NHSL2: variants seen among roughly 807,000 people sequenced by gnomAD.
NHSL2 encodes the protein NHS like 2, also known as NHS-like protein 2.
NHSL2 carries 27 observed loss-of-function variants against 53.4 expected under a neutral mutation model. The observed-to-expected ratio is 0.51, with a 90% confidence interval of 0.37 to 0.70. NHSL2 has a LOEUF of 0.70. Among genes scored for constraint, NHSL2 ranks in the 30% least tolerant of loss-of-function variants. NHSL2 has a pLI of 0.00. For missense variants in NHSL2, 892 were observed against 980.1 expected (o/e 0.91, Z 1.20); for synonymous variants, 408 against 404.1 (o/e 1.01, Z -0.12).
Position 72,150,454 on chromosome X carries a change from A to G in NHSL2, c.*6880A>G, listed in dbSNP as rs1253007205. The G allele has an allele frequency of 8.9e-6, 1 of 112,155 alleles. No homozygotes were observed. The highest frequency in any genetic ancestry group is 2.8e-4 in the East Asian group (1 of 3,582). 9.2% of individuals were successfully genotyped at this position (112,155 alleles called of 1,213,427 possible). A position where few individuals can be genotyped will look rare whatever the true frequency, so the allele number is the denominator to read the frequency against. ...CTTTAGCCTTCCCTTCTTAATCTTT[A>G]TGAGAAATTTTCAGACTGTTAAATG... On this transcript the variant is annotated 3_prime_UTR_variant, in exon 8 of 8. Coordinates refer to ENST00000633930, the MANE Select transcript of NHSL2 (RefSeq NM_001013627.3).
chrX:71,955,922 C>G (rs914634589), intron 1 of NHSL2, among the ~76,000 whole-genome samples: 1 of 111,227 alleles, frequency 9.0e-6, no homozygotes, highest in East Asian at 2.8e-4. Context: ...CATGGATGAG[C>G]CAAAGAGCAG....
chrX:71,965,678 A>T (rs2041897829), intron 1 of NHSL2, among the ~76,000 whole-genome samples: 1 of 112,151 alleles, frequency 8.9e-6, no homozygotes, highest in South Asian at 3.7e-4. Context: ...AATTGTATTG[A>T]ATCCATAGAT....
intron 1 of NHSL2, among the ~76,000 whole-genome samples, chrX:72,001,237 T>G (rs1305037815): frequency 8.9e-6 from 1 of 112,089 alleles, no homozygotes; most frequent in African/African-American, 3.3e-5. Context: ...TTTTGTGCAT[T>G]CCTGGCTTTT....
intron 1 of NHSL2, among the ~76,000 whole-genome samples, chrX:72,056,165 G>A (rs898542390): frequency 9.0e-6 from 1 of 111,526 alleles, no homozygotes; most frequent in Non-Finnish European, 1.9e-5. Context: ...GGACAGTTGG[G>A]CAATATGTTT....
At chrX:71,989,181 T>A (rs2042015604) in intron 1 of NHSL2, among the ~76,000 whole-genome samples, 1 of 109,991 alleles carries the variant, frequency 9.1e-6, no homozygotes, top group African/African-American at 3.3e-5. Flanking sequence ...AAAGACCTTG[T>A]CTTTAAAAAT....
chrX:72,042,017 C>A (rs2042277065), intron 1 of NHSL2, among the ~76,000 whole-genome samples: 1 of 112,095 alleles, frequency 8.9e-6, no homozygotes, highest in African/African-American at 3.2e-5. Context: ...GTCTGCCAGC[C>A]CTGACAGAAA....
At chrX:72,103,733 A>G (rs1478163338) in intron 1 of NHSL2, among the ~76,000 whole-genome samples, 1 of 112,471 alleles carries the variant, frequency 8.9e-6, no homozygotes, top group East Asian at 2.8e-4. Flanking sequence ...TCACTCAGAC[A>G]GGGCCTGGGA....
intron 1 of NHSL2, among the ~76,000 whole-genome samples, chrX:72,118,610 G>C (rs931662704): frequency 2.7e-5 from 3 of 111,120 alleles, no homozygotes; most frequent in Admixed American, 1.9e-4. Flanking sequence ...TCCTCTTGTA[G>C]AGACAGGGTC....
intron 1 of NHSL2, among the ~76,000 whole-genome samples, chrX:71,940,110 A>G (rs1031034730): frequency 7.1e-5 from 8 of 112,262 alleles, no homozygotes; most frequent in African/African-American, 2.6e-4. Context: ...AAAAGAGCCT[A>G]ACGAGGAAGC....
At position 72,133,990 on chromosome X, in the gene NHSL2, G is replaced by T. The variant is rs761391402; in HGVS notation, c.437-101G>T. 1.2e-3 allele frequency: 1,072 copies of T among 875,029 alleles called. 1 individual carries two copies. Among genetic ancestry groups the T allele is most frequent in the Non-Finnish European group, 1.5e-3 (950 of 631,861 alleles). The allele number at this position is 875,029 out of a possible 1,213,427, so 72.1% of individuals were successfully genotyped here. On this transcript the variant is annotated intron_variant, in intron 2 of 7. Coordinates refer to ENST00000633930, the MANE Select transcript of NHSL2 (RefSeq NM_001013627.3). ...ATAGCCTAAAGAAAATGCAAGTCAGGCCTGGCAGCTAGAGCAGGAGTCCTG... is the reference window on the plus strand; with the variant it reads ...ATAGCCTAAAGAAAATGCAAGTCAGTCCTGGCAGCTAGAGCAGGAGTCCTG...
intron 1 of NHSL2, among the ~76,000 whole-genome samples, chrX:72,005,317 C>G (rs2042089778): frequency 8.9e-6 from 1 of 112,097 alleles, no homozygotes; most frequent in Non-Finnish European, 1.9e-5. Flanking sequence ...GTGCAGTGCA[C>G]TCTGCTGCAT....
chrX:71,973,280 G>A (rs1016031314), intron 1 of NHSL2, among the ~76,000 whole-genome samples: 2 of 112,570 alleles, frequency 1.8e-5, no homozygotes, highest in African/African-American at 6.5e-5. Flanking sequence ...ATAGGGATGA[G>A]TATGATCCCA....
rs191083178 is a variant in NHSL2, at chrX:72,005,389, T to A, written c.280+94022T>A. On this transcript the variant is annotated intron_variant, in intron 1 of 7. Transcript: ENST00000633930. The stretch of plus-strand genomic sequence containing the variant: ...CCTCATTGAGCTAGTGGTCACTGTG[T>A]TTCTTGGTGAAAGTACTATTGTTGC... Among the ~76,000 whole-genome samples, 31 of 112,514 alleles carry A rather than the reference T, an allele frequency of 2.8e-4. No homozygotes were observed. In the East Asian group the frequency reaches 7.2e-3, roughly 26 times the overall value.
intron 3 of NHSL2, 131 bp downstream of exon 3, chrX:72,134,349 G>A: frequency 1.2e-6 from 1 of 865,527 alleles, no homozygotes; most frequent in Non-Finnish European, 1.6e-6. Flanking sequence ...GGCCCCACTG[G>A]GATAGGCCCT....
intron 1 of NHSL2, among the ~76,000 whole-genome samples, chrX:72,035,917 G>T (rs1251908130): frequency 8.9e-6 from 1 of 111,810 alleles, no homozygotes; most frequent in Non-Finnish European, 1.9e-5. Context: ...GGGCAAGGAA[G>T]TATTACCACC....
intron 1 of NHSL2, among the ~76,000 whole-genome samples, chrX:72,087,192 T>C (rs1227083709): frequency 8.9e-6 from 1 of 112,693 alleles, no homozygotes; most frequent in Admixed American, 9.3e-5. Flanking sequence ...GGAATGAAGT[T>C]CTGACACATG....
chrX:72,140,800 T>C, intron 6 of NHSL2, 29 bp downstream of exon 6: 10 of 1,110,038 alleles, frequency 9.0e-6, no homozygotes, highest in Non-Finnish European at 1.1e-5. Flanking sequence ...GGCTTTTTCC[T>C]TCAGTCACAG....
intron 4 of NHSL2, 83 bp from the exon 5 acceptor site, chrX:72,137,011 A>C: frequency 9.5e-5 from 65 of 681,287 alleles, no homozygotes; most frequent in Non-Finnish European, 1.2e-4. Flanking sequence ...CACGACTGCC[A>C]TCATTCTCTT....
chrX:71,977,326 G>A (rs777713859), intron 1 of NHSL2, among the ~76,000 whole-genome samples: 6 of 111,695 alleles, frequency 5.4e-5, no homozygotes, highest in Admixed American at 9.5e-5. Context: ...AAAGCTCTCA[G>A]AACATTGCCT....
Sources: allele counts gnomAD v4.1 joint callset (sites outside exome capture counted in the v4.1 genomes callset), GRCh38; gene constraint gnomAD v4.1.1; transcripts MANE v1.5; gene names NCBI Gene and HGNC (gene_info 2026-07-23, HGNC 2026-07-21).